The following BIRC6 variants were observed in gnomAD, a reference collection of about 807,000 sequenced individuals.
BIRC6 encodes the protein baculoviral IAP repeat containing 6, also known as dual E2 ubiquitin-conjugating enzyme/E3 ubiquitin-protein ligase BIRC6.
In BIRC6, 98 loss-of-function variants were observed where a neutral mutation model predicts 503.3. The observed-to-expected ratio is 0.19, with a 90% confidence interval of 0.17 to 0.23. The LOEUF (loss-of-function observed/expected upper bound fraction) is 0.23, where lower values mean the gene tolerates loss of function less well. Among genes scored for constraint, BIRC6 ranks in the 10% least tolerant of loss-of-function variants. BIRC6 has a pLI of 1.00. For missense variants in BIRC6, 5,360 were observed against 5,806.0 expected (o/e 0.92, Z 2.50); for synonymous variants, 2,240 against 2,078.7 (o/e 1.08, Z -2.11).
Position 32,525,581 on chromosome 2 carries a change from A to G in BIRC6, c.11873A>G (p.Lys3958Arg). 1 of 1,613,976 alleles carries G rather than the reference A, an allele frequency of 6.2e-7. No homozygotes were observed. The highest frequency in any genetic ancestry group is 8.5e-7 in the Non-Finnish European group (1 of 1,179,876). The part of the protein sequence containing the change: ...GSTSGAEAAN[K>R]IITVPVFHLF... ...ACTTCAGGAGCAGAGGCTGCCAACAAAATAATTACTGTCCCAGTGTTTCAC... is the reference window on the plus strand; with the variant it reads ...ACTTCAGGAGCAGAGGCTGCCAACAGAATAATTACTGTCCCAGTGTTTCAC... Residue 3958 changes from lysine (K) to arginine (R), a missense_variant, in exon 59 of 74, where the codon AAA becomes AGA. Coordinates refer to ENST00000421745, the MANE Select transcript of BIRC6 (RefSeq NM_016252.4).
intron 10 of BIRC6, among the ~76,000 whole-genome samples, chr2:32,416,867 A>G (rs1327180570): frequency 7.9e-6 from 1 of 126,162 alleles, no homozygotes; most frequent in African/African-American, 3.1e-5. Flanking sequence ...AGGAAGTTTC[A>G]TTCTTGTTGC....
Position 32,595,027 on chromosome 2 carries a change from A to G in BIRC6, c.13502-7A>G. On this transcript the variant is annotated splice_polypyrimidine_tract_variant and splice_region_variant and intron_variant, in intron 67 of 73. Transcript: ENST00000421745. ...TATGTTATTTATCTTGAAATATTAA[A>G]TAACAGAAAAAAAACTGGGTGAATA... The G allele has an allele frequency of 6.6e-7, 1 of 1,524,708 alleles. No individual in the cohort carries two copies. Among genetic ancestry groups the G allele is most frequent in the Non-Finnish European group, 8.9e-7 (1 of 1,121,770 alleles). The allele number at this position is 1,524,708 out of a possible 1,614,324, so 94.4% of individuals were successfully genotyped here.
At position 32,607,582 on chromosome 2, in the gene BIRC6, A is replaced by T; in HGVS notation, c.14198A>T (p.Gln4733Leu). 1 of 1,613,888 alleles carries T rather than the reference A, an allele frequency of 6.2e-7. No individual in the cohort carries two copies. The highest frequency in any genetic ancestry group is 1.7e-5 in the Admixed American group (1 of 60,016). The change falls in exon 72 of 74, where the codon CAA becomes CTA. Residue 4733 changes from glutamine (Q) to leucine (L), a missense_variant. Transcript: ENST00000421745. ...SSREYDGNIR[Q>L]ATVKWAMLEQ... ...CGAGAATATGATGGAAACATTCGAC[A>T]AGCAACAGTTAAGTGGGCAATGCTA...
chr2:32,501,964 GATAA>G, intron 47 of BIRC6, 76 bp downstream of exon 47: 4 of 1,324,292 alleles, frequency 3.0e-6, no homozygotes, highest in South Asian at 2.9e-5. Context: ...ACAGGACAAA[GATAA>G]ATAAGTATAT....
At chr2:32,599,046 AGG>A (rs2061870099) in intron 69 of BIRC6, among the ~76,000 whole-genome samples, 1 of 146,100 alleles carries the variant, frequency 6.8e-6, no homozygotes, top group Non-Finnish European at 1.5e-5. Flanking sequence ...AAAAAAAAAA[AGG>A]CCTGGTATGC....
chr2:32,387,616 G>T (rs1010855672), intron 3 of BIRC6, among the ~76,000 whole-genome samples: 3 of 152,150 alleles, frequency 2.0e-5, no homozygotes, highest in East Asian at 1.9e-4. Flanking sequence ...TGACTATAAG[G>T]CCTGTGTTTT....
intron 21 of BIRC6, among the ~76,000 whole-genome samples, chr2:32,447,472 C>T (rs2046157089): frequency 7.2e-6 from 1 of 138,352 alleles, no homozygotes; most frequent in South Asian, 2.4e-4. Flanking sequence ...GCTGGCCGGG[C>T]GGGGGGCTGA....
intron 3 of BIRC6, among the ~76,000 whole-genome samples, chr2:32,386,521 G>T (rs539763851): frequency 2.0e-4 from 29 of 148,546 alleles, no homozygotes; most frequent in Non-Finnish European, 3.3e-4. Flanking sequence ...TTGGCTTACT[G>T]TAGCCTTGCC....
intron 43 of BIRC6, among the ~76,000 whole-genome samples, chr2:32,490,725 A>G (rs534705474): frequency 6.6e-6 from 1 of 152,238 alleles, no homozygotes; most frequent in Non-Finnish European, 1.5e-5. Context: ...AGGTTTTTAC[A>G]TTTCATCTAA....
At chr2:32,375,213 G>T (rs888847396) in intron 1 of BIRC6, among the ~76,000 whole-genome samples, 1 of 152,132 alleles carries the variant, frequency 6.6e-6, no homozygotes, top group Admixed American at 6.6e-5. Flanking sequence ...AAAAGGGACA[G>T]TTTTATTTCT....
intron 44 of BIRC6, among the ~76,000 whole-genome samples, chr2:32,492,869 C>T (rs1213971055): frequency 1.3e-5 from 2 of 151,902 alleles, no homozygotes; most frequent in African/African-American, 2.4e-5. Flanking sequence ...TTTTCCAGAA[C>T]TACTCCAAGG....
Position 32,508,080 on chromosome 2 carries a change from T to A in BIRC6, c.9801T>A (p.Ile3267=). ...CAAGTGGCCTCACCTACATAAAAAT[T>A]CAGCTTGTAAAAGCCGAAGTAGCTT... The part of the protein sequence containing the change: ...VVTSGLTYIK[I]QLVKAEVASA... Residue 3267 remains isoleucine (I), a synonymous_variant, in exon 51 of 74, where the codon ATT becomes ATA. Coordinates refer to ENST00000421745, the MANE Select transcript of BIRC6 (RefSeq NM_016252.4). 1 of 1,613,912 alleles carries A rather than the reference T, an allele frequency of 6.2e-7. No individual in the cohort carries two copies. The highest frequency in any genetic ancestry group is 1.1e-5 in the South Asian group (1 of 91,080).
rs1458788412 is a variant in BIRC6, at chr2:32,471,212, G to A, written c.6592+88G>A. The A allele has an allele frequency of 4.0e-6, 6 of 1,504,710 alleles. No individual in the cohort carries two copies. The East Asian group carries it at 1.3e-4, about 32-fold the overall frequency. 93.2% of individuals were successfully genotyped at this position (1,504,710 alleles called of 1,614,324 possible). ...TTTGAGTGACTTCGCAGTTGTTCCA[G>A]AACTGGCTATTGGCCTGGAGCTACC... On this transcript the variant is annotated intron_variant, in intron 32 of 73. Transcript: ENST00000421745.
At chr2:32,593,249 A>G (rs2061491778) in intron 66 of BIRC6, among the ~76,000 whole-genome samples, 1 of 152,190 alleles carries the variant, frequency 6.6e-6, no homozygotes, top group Non-Finnish European at 1.5e-5. Flanking sequence ...TGACTCTTGT[A>G]TTAAACTACT....
At chr2:32,460,998 C>CTCTGTTCTCT (rs1553443637) in intron 23 of BIRC6, among the ~76,000 whole-genome samples, 1 of 88,688 alleles carries the variant, frequency 1.1e-5, no homozygotes, top group Admixed American at 1.3e-4. Context: ...CTCTGCTCTG[C>CTCTGTTCTCT]TCTCTTCTCT....
intron 65 of BIRC6, chr2:32,557,949 A>C (rs2058897353): frequency 6.6e-6 from 1 of 152,188 alleles, no homozygotes; most frequent in South Asian, 2.1e-4. Context: ...ATACTAGAAA[A>C]TTGCTAGAAA....
rs1349988515 is a variant in BIRC6, at chr2:32,501,570, C to T, written c.9032-143C>T. 7 of 555,120 alleles carry T rather than the reference C, an allele frequency of 1.3e-5. No individual in the cohort carries two copies. The East Asian group carries it at 1.5e-4, about 12-fold the overall frequency. 34.4% of individuals were successfully genotyped at this position (555,120 alleles called of 1,614,324 possible). ...ATATTTTAATTATTATTTGTTTCAC[C>T]ATGTTGGCCAGGCTGGTTTTGAACT... On this transcript the variant is annotated intron_variant, in intron 46 of 73. Transcript: ENST00000421745.
In BIRC6 at chr2:32,616,509, G is replaced by A. The variant is rs1029751944; in HGVS notation, c.14395-1216G>A. Reference sequence around the variant, plus strand: ...TGGGAGGTGGAGTTTGCAGTGAGCCGAGATTGTGCCTCTGCACTCTAGCCT... The same window carrying A: ...TGGGAGGTGGAGTTTGCAGTGAGCCAAGATTGTGCCTCTGCACTCTAGCCT... On this transcript the variant is annotated intron_variant, in intron 73 of 73. Transcript: ENST00000421745. Among the ~76,000 whole-genome samples the A allele has an allele frequency of 8.3e-4, 120 of 145,336 alleles. 1 individual carries two copies. The highest frequency in any genetic ancestry group is 2.9e-3 in the African/African-American group (112 of 38,506).
chr2:32,431,356 C>T (rs1020127789), intron 12 of BIRC6, among the ~76,000 whole-genome samples: 43 of 151,440 alleles, frequency 2.8e-4, no homozygotes, highest in Non-Finnish European at 4.3e-4. Context: ...TCACCACGTC[C>T]GGCTAATTTT....
Sources: gnomAD v4.1 joint callset for allele counts (sites outside exome capture counted in the v4.1 genomes callset) on GRCh38, gnomAD v4.1.1 for gene constraint, MANE v1.5 for transcripts, NCBI Gene and HGNC (gene_info 2026-07-23, HGNC 2026-07-21) for gene names.